CNKSR2: variants seen among roughly 807,000 people sequenced by gnomAD.
CNKSR2 encodes connector enhancer of kinase suppressor of Ras 2.
A neutral mutation model predicts 84.4 loss-of-function variants in CNKSR2; 14 were observed. The ratio of observed to expected loss-of-function variants is 0.17; its 90% CI spans 0.11 to 0.26. CNKSR2 has a LOEUF of 0.26. CNKSR2 is among the 10% of genes least tolerant of loss of function. CNKSR2 has a pLI of 1.00. For synonymous variants in CNKSR2, 275 were observed against 277.9 expected (o/e 0.99, Z 0.10); for missense variants, 485 against 771.2 (o/e 0.63, Z 4.40).
At chrX:21,579,581 T>C (rs748028457) in intron 13 of CNKSR2, among the ~76,000 whole-genome samples, 1 of 112,487 alleles carries the variant, frequency 8.9e-6, no homozygotes, top group South Asian at 3.7e-4. Flanking sequence ...TTTTATCATA[T>C]GGTTATTACA....
chrX:21,506,816 G>A (rs936588061), intron 8 of CNKSR2: 6 of 110,876 alleles, frequency 5.4e-5, no homozygotes, highest in African/African-American at 2.0e-4. Flanking sequence ...CAGTGTCAAC[G>A]TGGTTACTAT....
intron 1 of CNKSR2, among the ~76,000 whole-genome samples, chrX:21,404,770 CAA>C (rs1210989477): frequency 2.8e-5 from 1 of 36,116 alleles, no homozygotes; most frequent in Non-Finnish European, 4.8e-5. Context: ...GCCTGGGAAA[CAA>C]GAGCAAAACT....
At chrX:21,581,606 G>A (rs191670196) in intron 13 of CNKSR2, among the ~76,000 whole-genome samples, 16 of 111,720 alleles carry the variant, frequency 1.4e-4, no homozygotes, top group African/African-American at 4.9e-4. Context: ...GGTGAAAAGG[G>A]GTTGGACTCT....
chrX:21,617,812 A>C (rs1440586692), intron 20 of CNKSR2, among the ~76,000 whole-genome samples: 1 of 110,642 alleles, frequency 9.0e-6, no homozygotes, highest in Non-Finnish European at 1.9e-5. Context: ...AAAATGTAGC[A>C]GTTGACCTTT....
chrX:21,586,702 G>A (rs908285417), intron 13 of CNKSR2, among the ~76,000 whole-genome samples: 1 of 111,440 alleles, frequency 9.0e-6, no homozygotes, highest in African/African-American at 3.3e-5. Context: ...GTTAAACAGT[G>A]GATATTCAAA....
At chrX:21,632,988 T>C (rs1456287431) in intron 20 of CNKSR2, among the ~76,000 whole-genome samples, 1 of 96,822 alleles carries the variant, frequency 1.0e-5, no homozygotes, top group Non-Finnish European at 2.1e-5. Flanking sequence ...ACTTATATAA[T>C]ATACACACAC....
chrX:21,436,958 C>A (rs2090714653), intron 3 of CNKSR2, among the ~76,000 whole-genome samples: 1 of 111,537 alleles, frequency 9.0e-6, no homozygotes, highest in Non-Finnish European at 1.9e-5. Flanking sequence ...ATATGATTTG[C>A]CTCTAAGATA....
chrX:21,576,827 TAAAG>T (rs1228230955), intron 13 of CNKSR2, among the ~76,000 whole-genome samples: 1 of 111,732 alleles, frequency 8.9e-6, no homozygotes, highest in African/African-American at 3.2e-5. Flanking sequence ...ACATAACTAT[TAAAG>T]AAATTTAATT....
chrX:21,606,807 A>C lies in CNKSR2; in HGVS notation c.2073A>C (p.Glu691Asp). Residue 691 changes from glutamate (E) to aspartate (D), a missense_variant, in exon 19 of 22, where the codon GAA becomes GAC. This residue lies in a region of CNKSR2 where 210 missense variants were observed against 291.5 expected (regional missense o/e 0.72). Coordinates refer to ENST00000379510, the MANE Select transcript of CNKSR2 (RefSeq NM_014927.5). Reference sequence around the variant, plus strand: ...ACTGGAGTGAGAGTGACAAGGAAGAAGCAGATACTCCATCAACACCAAAAC... The same window carrying C: ...ACTGGAGTGAGAGTGACAAGGAAGACGCAGATACTCCATCAACACCAAAAC... ...QDYWSESDKE[E>D]ADTPSTPKQD... 8.3e-7 allele frequency: 1 copy of C among 1,200,735 alleles called. No individual in the cohort carries two copies. Among genetic ancestry groups the C allele is most frequent in the Non-Finnish European group, 1.1e-6 (1 of 886,592 alleles).
chrX:21,552,119 A>G (rs943514378), intron 11 of CNKSR2, among the ~76,000 whole-genome samples: 5 of 110,753 alleles, frequency 4.5e-5, no homozygotes, highest in African/African-American at 1.6e-4. Context: ...AAAAACTATA[A>G]TAAATGGTAG....
chrX:21,426,363 G>T, intron 1 of CNKSR2, 134 bp from the exon 2 acceptor site: 1 of 529,720 alleles, frequency 1.9e-6, no homozygotes. Context: ...AAGGGCGAAG[G>T]ATTTGGCTAG....
chrX:21,452,016 A>G (rs1017870327), intron 4 of CNKSR2, among the ~76,000 whole-genome samples: 1 of 111,731 alleles, frequency 9.0e-6, no homozygotes, highest in Non-Finnish European at 1.9e-5. Flanking sequence ...AAACACAGCT[A>G]TTAAAGTTAC....
At position 21,426,546 on chromosome X, in the gene CNKSR2, G is replaced by A. The variant is rs2090566955; in HGVS notation, c.114G>A (p.Lys38=). 1 of 1,209,068 alleles carries A rather than the reference G, an allele frequency of 8.3e-7. No individual in the cohort carries two copies. Among genetic ancestry groups the A allele is most frequent in the African/African-American group, 1.7e-5 (1 of 57,523 alleles). The part of the protein sequence containing the change: ...QQYIKNFERE[K]ISGDQLLRIT... The stretch of plus-strand genomic sequence containing the variant: ...ATATTAAGAACTTTGAGAGGGAGAA[G>A]ATCAGTGGGGACCAGCTGCTGCGCA... Residue 38 remains lysine (K), a synonymous_variant, in exon 2 of 22, where the codon AAG becomes AAA. Transcript: ENST00000379510.
intron 13 of CNKSR2, among the ~76,000 whole-genome samples, chrX:21,567,766 G>A (rs1413570308): frequency 9.3e-6 from 1 of 107,537 alleles, no homozygotes; most frequent in African/African-American, 3.4e-5. Context: ...GAGAGTACAT[G>A]AAGACAAGGC....
At chrX:21,423,751 T>A (rs886427984) in intron 1 of CNKSR2, 4 of 111,679 alleles carry the variant, frequency 3.6e-5, no homozygotes, top group African/African-American at 9.8e-5. Context: ...TTGAATGCCA[T>A]CTGGGTACTC....
At chrX:21,386,321 G>C (rs1280671522) in intron 1 of CNKSR2, among the ~76,000 whole-genome samples, 1 of 111,560 alleles carries the variant, frequency 9.0e-6, no homozygotes, top group Non-Finnish European at 1.9e-5. Flanking sequence ...TGTTTTGTTT[G>C]GAGACATTTA....
intron 20 of CNKSR2, among the ~76,000 whole-genome samples, chrX:21,631,777 C>T (rs1434939265): frequency 8.9e-6 from 1 of 112,166 alleles, no homozygotes; most frequent in Non-Finnish European, 1.9e-5. Flanking sequence ...TCTCACATTT[C>T]CTGCATCTTC....
chrX:21,428,045 T>C (rs1363993901), intron 2 of CNKSR2: 2 of 111,844 alleles, frequency 1.8e-5, no homozygotes, highest in African/African-American at 6.5e-5. Context: ...GAATGGGAAG[T>C]GATGGGAAAA....
chrX:21,631,030 T>TA (rs201099306), intron 20 of CNKSR2, among the ~76,000 whole-genome samples: 1,243 of 108,464 alleles, frequency 0.011, 13 homozygotes, highest in African/African-American at 0.038. Context: ...GATTTTTTTT[T>TA]AAAAAAAAAG....
Sources: gnomAD v4.1 joint callset for allele counts (sites outside exome capture counted in the v4.1 genomes callset) on GRCh38, gnomAD v4.1.1 for gene constraint, gnomAD v4.1.1 regional missense constraint, MANE v1.5 for transcripts, NCBI Gene and HGNC (gene_info 2026-07-23, HGNC 2026-07-21) for gene names.